SNX1: variants seen among roughly 807,000 people sequenced by gnomAD.
SNX1 encodes the protein sorting nexin-1.
SNX1 carries 36 observed loss-of-function variants against 71.8 expected under a neutral mutation model. The observed-to-expected ratio is 0.50, with a 90% confidence interval of 0.38 to 0.66. The LOEUF (loss-of-function observed/expected upper bound fraction) is 0.66. Among genes scored for constraint, SNX1 ranks in the 30% least tolerant of loss-of-function variants. The pLI is 0.00. For synonymous variants in SNX1, 254 were observed against 240.7 expected, an observed-to-expected ratio of 1.06 and a Z score of -0.51; for missense variants, 612 against 646.7, an observed-to-expected ratio of 0.95 and a Z score of 0.58.
At chr15:64,116,868 G>T (rs963762143) in intron 2 of SNX1, among the ~76,000 whole-genome samples, 1 of 152,210 alleles carries the variant, frequency 6.6e-6, no homozygotes, top group Non-Finnish European at 1.5e-5. Flanking sequence ...CTGAGGGAAT[G>T]AGTCGTTCTG....
At chr15:64,104,863 C>T (rs1222317946) in intron 1 of SNX1, among the ~76,000 whole-genome samples, 3 of 129,308 alleles carry the variant, frequency 2.3e-5, no homozygotes, top group East Asian at 4.7e-4. Context: ...CCAGCCTGGG[C>T]GACAGAGCAA....
chr15:64,123,523 G>A lies in SNX1; in HGVS notation c.487G>A (p.Val163Ile), dbSNP rs574871557. 33 of 1,613,984 alleles carry A rather than the reference G, an allele frequency of 2.0e-5. No individual in the cohort carries two copies. In the South Asian group the frequency reaches 3.6e-4, roughly 18 times the overall value. Residue 163 changes from valine (V) to isoleucine (I), a missense_variant, in exon 5 of 15, where the codon GTA (valine) becomes ATA (isoleucine). By Grantham distance (29) the Val-to-Ile change is conservative. Transcript: ENST00000559844. ...EKIGDGMNAY[V>I]AYKVTTQTSL... ...CACAGGGGATGGTATGAATGCATAT[G>A]TAGCCTACAAAGTTACAACACAGGT...
At chr15:64,102,321 G>C (rs2080970521) in intron 1 of SNX1, among the ~76,000 whole-genome samples, 1 of 152,068 alleles carries the variant, frequency 6.6e-6, no homozygotes, top group South Asian at 2.1e-4. Context: ...TTTGATATCT[G>C]TATACAAAGT....
At chr15:64,130,930 A>G (rs2081299823) in intron 10 of SNX1, among the ~76,000 whole-genome samples, 1 of 152,224 alleles carries the variant, frequency 6.6e-6, no homozygotes, top group Non-Finnish European at 1.5e-5. Flanking sequence ...ACATTTTTAA[A>G]GGAATGAATG....
At chr15:64,125,547 A>G (rs1027202842) in intron 5 of SNX1, among the ~76,000 whole-genome samples, 10 of 151,118 alleles carry the variant, frequency 6.6e-5, no homozygotes, top group Non-Finnish European at 1.3e-4. Context: ...TGGGAGGCTG[A>G]GGTGGGAGGA....
rs2081334579 is a variant in SNX1, at chr15:64,134,210, T to C, written c.1222-454T>C. ...CAGTAGTCTGCATACTTGTATCTAT[T>C]TGTAATTGTAAATGTAATGTTGGCC... is the stretch of plus-strand genomic sequence containing the variant. On this transcript the variant is annotated intron_variant, in intron 11 of 14. Coordinates refer to ENST00000559844, the MANE Select transcript of SNX1 (RefSeq NM_003099.5). This position sits in a 1 kb window ranked among gnomAD's most constrained non-coding sequence, Gnocchi z 4.1. The C allele has an allele frequency of 1.3e-5, 2 of 154,060 alleles. No homozygotes were observed. Among genetic ancestry groups the C allele is most frequent in the African/African-American group, 4.8e-5 (2 of 41,498 alleles). 9.5% of individuals were successfully genotyped at this position (154,060 alleles called of 1,614,324 possible).
Position 64,142,781 on chromosome 15 carries a change from C to T in SNX1, c.*5163C>T, listed in dbSNP as rs1013446977. ...GTGATCCCAGTATTCAGTGTCAGTA[C>T]TCAGTGACAAAATAAATGAGAGAAA... On this transcript the variant is annotated 3_prime_UTR_variant, in exon 15 of 15. Transcript: ENST00000559844. The T allele has an allele frequency of 2.4e-6, 1 of 409,174 alleles. No individual in the cohort carries two copies. Among genetic ancestry groups the T allele is most frequent in the Admixed American group, 2.9e-5 (1 of 34,530 alleles). The allele number at this position is 409,174 out of a possible 1,614,324, so 25.3% of individuals were successfully genotyped here. A position where few individuals can be genotyped will look rare whatever the true frequency, so the allele number is the denominator to read the frequency against.
In SNX1 at chr15:64,131,778, G is replaced by C; in HGVS notation, c.1107G>C (p.Gln369His). Reference protein sequence around the residue: ...DNTALSRALSQLAEVEEKIEQ... With the variant: ...DNTALSRALSHLAEVEEKIEQ... ...CGGCATTGTCACGGGCACTCTCCCA[G>C]CTGGCTGAGGTGGAAGAAAAAATTG... Residue 369 changes from glutamine (Q) to histidine (H), a missense_variant, in exon 11 of 15, where the codon CAG becomes CAC. Physicochemically the swap from Gln to His is conservative, Grantham distance 24. Around this residue, in one of 2 missense-constraint regions of SNX1, gnomAD observed 296 missense variants for 361.9 expected, o/e 0.82. Coordinates refer to ENST00000559844, the MANE Select transcript of SNX1 (RefSeq NM_003099.5). 6.2e-7 allele frequency: 1 copy of C among 1,614,210 alleles called. No individual in the cohort carries two copies. The highest frequency in any genetic ancestry group is 8.5e-7 in the Non-Finnish European group (1 of 1,180,048).
At chr15:64,135,472 C>G (rs972683572) in intron 12 of SNX1, among the ~76,000 whole-genome samples, 2 of 150,076 alleles carry the variant, frequency 1.3e-5, no homozygotes, top group Non-Finnish European at 3.0e-5. Context: ...AAAAAATTAG[C>G]CAGGGCTGGG....
chr15:64,133,970 G>A (rs1236763433), intron 11 of SNX1, among the ~76,000 whole-genome samples: 1 of 152,218 alleles, frequency 6.6e-6, no homozygotes, highest in South Asian at 2.1e-4. Context: ...GCTTCTTGGA[G>A]GCCTTGGTAG....
chr15:64,134,765 C>A lies in SNX1; in HGVS notation c.1323C>A (p.Asn441Lys). 1.2e-6 allele frequency: 2 copies of A among 1,614,012 alleles called. No individual in the cohort carries two copies. The highest frequency in any genetic ancestry group is 1.7e-6 in the Non-Finnish European group (2 of 1,180,024). ...CCGAGGCTCGGCTGCTGTGGGCCAA[C>A]AAGCCTGATAAGCTGCAGCAGGCCA... is the stretch of plus-strand genomic sequence containing the variant. ...REAEARLLWA[N>K]KPDKLQQAKD... Residue 441 changes from asparagine (N) to lysine (K), a missense_variant, in exon 12 of 15, where the codon AAC (asparagine) becomes AAA (lysine). Transcript: ENST00000559844. The surrounding 1 kb of genome is among the most constrained non-coding windows in gnomAD (Gnocchi z 4.1).
rs1596015488 is a variant in SNX1 at position 64,141,343 on chromosome 15, C to T, written c.*3725C>T. 6.6e-6 allele frequency: 1 copy of T among 152,206 alleles called. No homozygotes were observed. Among genetic ancestry groups the T allele is most frequent in the African/African-American group, 2.4e-5 (1 of 41,450 alleles). 9.4% of individuals were successfully genotyped at this position (152,206 alleles called of 1,614,324 possible). On this transcript the variant is annotated 3_prime_UTR_variant, in exon 15 of 15. Coordinates refer to ENST00000559844, the MANE Select transcript of SNX1 (RefSeq NM_003099.5). This position sits in a 1 kb window ranked among gnomAD's most constrained non-coding sequence, Gnocchi z 5.1. ...TTCCTGTATCCTGAGGCTGGCGGGG[C>T]CAGTTGTCTTTAGGGCTTGTGCATT... is the stretch of plus-strand genomic sequence containing the variant.
chr15:64,110,883 G>C (rs2081071677), intron 1 of SNX1, among the ~76,000 whole-genome samples: 1 of 152,214 alleles, frequency 6.6e-6, no homozygotes, highest in Non-Finnish European at 1.5e-5. Flanking sequence ...GATCAGAAAT[G>C]GAAAGCTGGC....
At chr15:64,109,029 A>G (rs1372927422) in intron 1 of SNX1, among the ~76,000 whole-genome samples, 1 of 151,282 alleles carries the variant, frequency 6.6e-6, no homozygotes, top group African/African-American at 2.4e-5. Context: ...GGGGAGGGGT[A>G]CTGTACAATA....
Position 64,096,048 on chromosome 15 carries a change from A to T in SNX1, c.35A>T (p.Glu12Val), listed in dbSNP as rs140656810. ...ASGGGGCSAS[E>V]RLPPPFPGLE... is the part of the protein sequence containing the mutation. ...GGTGGTGGTGGCTGTAGCGCTTCGG[A>T]GAGACTGCCTCCGCCCTTCCCCGGC... The change falls in exon 1 of 15, where the codon GAG (glutamate) becomes GTG (valine). Residue 12 changes from glutamate (E) to valine (V), a missense_variant. By Grantham distance (121) the Glu-to-Val change is moderately radical. This residue lies in a region of SNX1 where 316 missense variants were observed against 284.9 expected (regional missense o/e 1.11). Coordinates refer to ENST00000559844, the MANE Select transcript of SNX1 (RefSeq NM_003099.5). 23 of 1,592,888 alleles carry T rather than the reference A, an allele frequency of 1.4e-5. No individual in the cohort carries two copies. Among genetic ancestry groups the T allele is most frequent in the Non-Finnish European group, 1.9e-5 (22 of 1,173,820 alleles).
chr15:64,137,792 C>CATAT lies in SNX1; in HGVS notation c.*179_*182dup. On this transcript the variant is annotated 3_prime_UTR_variant, in exon 15 of 15. Coordinates refer to ENST00000559844, the MANE Select transcript of SNX1 (RefSeq NM_003099.5). ...TCTAACCGTTATTTCATTTAGCTTCCATATATATTTTCTTACCTAAGAGAA... is the reference window on the plus strand; with the variant it reads ...TCTAACCGTTATTTCATTTAGCTTCCATATATATATATTTTCTTACCTAAGAGAA... The CATAT allele has an allele frequency of 7.0e-7, 1 of 1,434,002 alleles. No homozygotes were observed. Among genetic ancestry groups the CATAT allele is most frequent in the Non-Finnish European group, 9.1e-7 (1 of 1,093,552 alleles). The allele number at this position is 1,434,002 out of a possible 1,614,324, so 88.8% of individuals were successfully genotyped here.
Position 64,138,483 on chromosome 15 carries a change from C to T in SNX1, c.*865C>T. On this transcript the variant is annotated 3_prime_UTR_variant, in exon 15 of 15. Transcript: ENST00000559844. ...TTTTTGTCACCCATCAAAACACATC[C>T]TCAGTAGACTGTGTGAAGGTGTGAA... The T allele has an allele frequency of 3.2e-6, 1 of 311,712 alleles. No homozygotes were observed. Among genetic ancestry groups the T allele is most frequent in the Non-Finnish European group, 5.9e-6 (1 of 170,382 alleles). The allele number at this position is 311,712 out of a possible 1,614,324, so 19.3% of individuals were successfully genotyped here.
intron 4 of SNX1, among the ~76,000 whole-genome samples, chr15:64,119,723 TAAAAAA>T (rs765691582): frequency 7.2e-6 from 1 of 138,264 alleles, no homozygotes; most frequent in Admixed American, 7.2e-5. Flanking sequence ...GACTGTGTCT[TAAAAAA>T]AAAAAAAAAC....
Position 64,138,269 on chromosome 15 carries a change from A to G in SNX1, c.*651A>G. 1 of 1,370,746 alleles carries G rather than the reference A, an allele frequency of 7.3e-7. No homozygotes were observed. The highest frequency in any genetic ancestry group is 1.5e-5 in the African/African-American group (1 of 67,516). The allele number at this position is 1,370,746 out of a possible 1,614,324, so 84.9% of individuals were successfully genotyped here. On this transcript the variant is annotated 3_prime_UTR_variant, in exon 15 of 15. Coordinates refer to ENST00000559844, the MANE Select transcript of SNX1 (RefSeq NM_003099.5). ...TAAAAACATCTCTTAAAATAAGAGG[A>G]GCAAAATCTATTAAAACCTATTCTC...
Sources: allele counts gnomAD v4.1 joint callset (sites outside exome capture counted in the v4.1 genomes callset), GRCh38; gene constraint gnomAD v4.1.1; regional missense constraint gnomAD v4.1.1; non-coding constraint Gnocchi (gnomAD v3.1); transcripts MANE v1.5; gene names NCBI Gene and HGNC (gene_info 2026-07-23, HGNC 2026-07-21).